Variants in PON3 observed in about 807,000 individuals in gnomAD.
The protein encoded by PON3 is paraoxonase 3.
In PON3, 37 loss-of-function variants were observed where a neutral mutation model predicts 36.3. The ratio of observed to expected loss-of-function variants is 1.02; its 90% CI spans 0.78 to 1.34. The LOEUF (loss-of-function observed/expected upper bound fraction) is 1.34. Among genes scored for constraint, PON3 ranks in the 40% most tolerant of loss-of-function variants. The probability of loss-of-function intolerance (pLI) is 0.00; values close to 1 mark genes in which losing one functional copy is unlikely to be tolerated. For missense variants in PON3, 415 were observed against 426.5 expected (o/e 0.97, Z 0.24); for synonymous variants, 155 against 154.8 (o/e 1.00, Z -0.01).
chr7:95,372,255 T>C lies in PON3; in HGVS notation c.285A>G (p.Pro95=). 1.2e-6 allele frequency: 2 copies of C among 1,613,976 alleles called. No homozygotes were observed. The highest frequency in any genetic ancestry group is 2.2e-5 in the South Asian group (2 of 91,078). ...CACTGATTTCTAGCGCTTGTGCCCT[T>C]GGGTTTTGTTCATTCAGATCCATCA... ...IFLMDLNEQN[P]RAQALEISGG... Residue 95 remains proline, a synonymous_variant, in exon 4 of 9, where the codon CCA becomes CCG. Transcript: ENST00000265627.
chr7:95,395,036 C>T (rs550704861), intron 1 of PON3, among the ~76,000 whole-genome samples: 76 of 152,154 alleles, frequency 5.0e-4, no homozygotes, highest in African/African-American at 1.6e-3. Flanking sequence ...TTTAAATGCA[C>T]GAAATAGCCC....
At chr7:95,384,027 C>G (rs1809129328) in intron 3 of PON3, among the ~76,000 whole-genome samples, 1 of 152,120 alleles carries the variant, frequency 6.6e-6, no homozygotes, top group African/African-American at 2.4e-5. Flanking sequence ...TGGAACAGAA[C>G]AGAGGCCTCA....
At chr7:95,374,346 T>G (rs569310776) in intron 3 of PON3, among the ~76,000 whole-genome samples, 1 of 152,268 alleles carries the variant, frequency 6.6e-6, no homozygotes, top group African/African-American at 2.4e-5. Context: ...AAGTAAGAAA[T>G]GTCCCTCCTC....
At chr7:95,391,599 T>C (rs750425701) in intron 2 of PON3, among the ~76,000 whole-genome samples, 31 of 152,182 alleles carry the variant, frequency 2.0e-4, no homozygotes, top group Admixed American at 3.3e-4. Flanking sequence ...ACCAATAAAA[T>C]AAACCTCAAA....
At chr7:95,378,206 G>GAAGA (rs370361868) in intron 3 of PON3, among the ~76,000 whole-genome samples, 1,737 of 152,016 alleles carry the variant, frequency 0.011, 27 homozygotes, top group South Asian at 0.048. Context: ...CAAGATGAGA[G>GAAGA]AAGAGTGAAA....
At chr7:95,369,353 A>G (rs1404202838) in intron 4 of PON3, among the ~76,000 whole-genome samples, 1 of 152,204 alleles carries the variant, frequency 6.6e-6, no homozygotes, top group African/African-American at 2.4e-5. Context: ...AGAATACTAG[A>G]GTGGGGAGAC....
At chr7:95,381,991 T>C (rs1057097954) in intron 3 of PON3, among the ~76,000 whole-genome samples, 1 of 152,176 alleles carries the variant, frequency 6.6e-6, no homozygotes, top group Non-Finnish European at 1.5e-5. Flanking sequence ...ACAGAAATTA[T>C]AACAAACTGT....
At chr7:95,379,560 C>T (rs763160119) in intron 3 of PON3, among the ~76,000 whole-genome samples, 7 of 152,220 alleles carry the variant, frequency 4.6e-5, no homozygotes, top group Non-Finnish European at 8.8e-5. Context: ...GATTATATTC[C>T]GTGCCTGGCT....
At position 95,364,473 on chromosome 7, in the gene PON3, C is replaced by CAATGAAATGA. The variant is rs1210754318; in HGVS notation, c.495-420_495-411dup. On this transcript the variant is annotated intron_variant, in intron 5 of 8. Coordinates refer to ENST00000265627, the MANE Select transcript of PON3 (RefSeq NM_000940.3). Reference sequence around the variant, plus strand: ...GCACAGCCATGTGACTTGCTTTGGCCAATGAAATGAAATGAAATGAGGTGA... The same window carrying CAATGAAATGA: ...GCACAGCCATGTGACTTGCTTTGGCCAATGAAATGAAATGAAATGAAATGAAATGAGGTGA... 2.3e-5 allele frequency: 6 copies of CAATGAAATGA among 263,018 alleles called. No individual in the cohort carries two copies. In the South Asian group the frequency reaches 2.7e-4, roughly 12 times the overall value. The allele number at this position is 263,018 out of a possible 1,614,324, so 16.3% of individuals were successfully genotyped here.
At chr7:95,380,912 A>T (rs946860405) in intron 3 of PON3, among the ~76,000 whole-genome samples, 3 of 152,240 alleles carry the variant, frequency 2.0e-5, no homozygotes, top group Non-Finnish European at 2.9e-5. Context: ...AGATTCACCA[A>T]GGTTGAAATG....
chr7:95,372,379 C>A (rs551792493), intron 3 of PON3, 41 bp from the exon 4 acceptor site: 4 of 1,582,358 alleles, frequency 2.5e-6, no homozygotes, highest in East Asian at 2.2e-5. Context: ...ATATACATAT[C>A]AAAACAATAT....
At position 95,363,868 on chromosome 7, in the gene PON3, G is replaced by A. The variant is rs1010346469; in HGVS notation, c.690C>T (p.Asp230=). Residue 230 remains aspartate, a synonymous_variant, in exon 6 of 9, where the codon GAC becomes GAT. Transcript: ENST00000265627. ...AAATACACAAAAGAGCTTACTTCTGGTCTGCTGAGACTGTGATCCCATTGG... is the reference window on the plus strand; with the variant it reads ...AAATACACAAAAGAGCTTACTTCTGATCTGCTGAGACTGTGATCCCATTGG... ...CSANGITVSA[D]QKYVYVADVA... is the part of the protein sequence containing the mutation. The A allele has an allele frequency of 4.3e-5, 70 of 1,612,858 alleles. No homozygotes were observed. The Middle Eastern group carries it at 1.3e-3, about 30-fold the overall frequency.
chr7:95,366,033 A>C (rs17883750), intron 5 of PON3: 1 of 104,366 alleles, frequency 9.6e-6, no homozygotes, highest in Non-Finnish European at 2.0e-5. Flanking sequence ...TGGCAGGGGG[A>C]GTGGGGTGGG....
chr7:95,388,495 T>C (rs377746323), intron 3 of PON3, among the ~76,000 whole-genome samples: 1 of 152,082 alleles, frequency 6.6e-6, no homozygotes, highest in African/African-American at 2.4e-5. Flanking sequence ...TTGGTGGGAG[T>C]GTAAATTAGT....
intron 1 of PON3, 138 bp from the exon 2 acceptor site, chr7:95,394,852 CT>C: frequency 1.4e-6 from 1 of 734,226 alleles, no homozygotes. Flanking sequence ...TAAGTAGGTA[CT>C]TCCTTTCATG....
At chr7:95,383,554 C>A (rs1289745469) in intron 3 of PON3, among the ~76,000 whole-genome samples, 1 of 152,068 alleles carries the variant, frequency 6.6e-6, no homozygotes, top group Non-Finnish European at 1.5e-5. Context: ...TCTTATACAC[C>A]AATAACAGAC....
At chr7:95,385,087 G>C (rs1809158147) in intron 3 of PON3, among the ~76,000 whole-genome samples, 1 of 152,112 alleles carries the variant, frequency 6.6e-6, no homozygotes, top group Admixed American at 6.5e-5. Flanking sequence ...ACCATTCTGA[G>C]CAAACTATCG....
rs61586376 is a variant in PON3, at chr7:95,385,405, C to A, written c.201+4749G>T. 2.0e-4 allele frequency among the ~76,000 whole-genome samples: 30 copies of A among 151,866 alleles called. 1 individual carries two copies. The East Asian group carries it at 5.8e-3, about 29-fold the overall frequency. ...ATACATGCATCCAATACAGGAGCAC[C>A]CAGATTCATAAAGCAAGTCCTTAGA... On this transcript the variant is annotated intron_variant, in intron 3 of 8. Coordinates refer to ENST00000265627, the MANE Select transcript of PON3 (RefSeq NM_000940.3).
chr7:95,389,804 AC>A (rs1358095407), intron 3 of PON3, among the ~76,000 whole-genome samples: 1 of 152,206 alleles, frequency 6.6e-6, no homozygotes, highest in Non-Finnish European at 1.5e-5. Flanking sequence ...GAAGATGACT[AC>A]CAGAAGCGGA....
Sources: gnomAD v4.1 joint callset for allele counts (sites outside exome capture counted in the v4.1 genomes callset) on GRCh38, gnomAD v4.1.1 for gene constraint, MANE v1.5 for transcripts, NCBI Gene and HGNC (gene_info 2026-07-23, HGNC 2026-07-21) for gene names.